Variants in SRBD1 observed in about 807,000 individuals in gnomAD.
The protein encoded by SRBD1 is S1 RNA binding domain 1, also known as S1 RNA-binding domain-containing protein 1.
In SRBD1, 88 loss-of-function variants were observed where a neutral mutation model predicts 115.3. The ratio of observed to expected loss-of-function variants is 0.76; its 90% CI spans 0.64 to 0.91. The LOEUF is 0.91. SRBD1 is among the 40% of genes least tolerant of loss of function. The pLI, the probability that SRBD1 is intolerant of heterozygous loss-of-function variation, is 0.00. For missense variants in SRBD1, 1,385 were observed against 1,177.4 expected, an observed-to-expected ratio of 1.18 and a Z score of -2.58; for synonymous variants, 509 against 407.7, an observed-to-expected ratio of 1.25 and a Z score of -2.99.
At chr2:45,542,826 A>G (rs1451838813) in intron 14 of SRBD1, among the ~76,000 whole-genome samples, 1 of 152,196 alleles carries the variant, frequency 6.6e-6, no homozygotes, top group Non-Finnish European at 1.5e-5. Context: ...GATTGAATAA[A>G]CTAATTGTGA....
At chr2:45,390,776 C>T (rs978070867) in intron 20 of SRBD1, among the ~76,000 whole-genome samples, 5 of 152,072 alleles carry the variant, frequency 3.3e-5, no homozygotes, top group African/African-American at 1.2e-4. Flanking sequence ...CATACTGATA[C>T]CAAGACGTTT....
intron 14 of SRBD1, among the ~76,000 whole-genome samples, chr2:45,502,086 C>T (rs1268062210): frequency 6.6e-6 from 1 of 152,200 alleles, no homozygotes; most frequent in African/African-American, 2.4e-5. Flanking sequence ...CCCTCCAAGA[C>T]GAAGCTTCCA....
intron 20 of SRBD1, among the ~76,000 whole-genome samples, chr2:45,390,997 C>T (rs1045966071): frequency 4.6e-5 from 7 of 152,234 alleles, no homozygotes; most frequent in African/African-American, 1.7e-4. Context: ...GGAACTAAGT[C>T]ACTGATCAGG....
chr2:45,442,956 C>T (rs559634707), intron 16 of SRBD1, among the ~76,000 whole-genome samples: 6 of 152,154 alleles, frequency 3.9e-5, no homozygotes, highest in East Asian at 3.9e-4. Context: ...AATGGCCACA[C>T]GTAGTAACAA....
At chr2:45,606,262 C>T (rs1378092137) in intron 1 of SRBD1, among the ~76,000 whole-genome samples, 1 of 150,628 alleles carries the variant, frequency 6.6e-6, no homozygotes, top group Non-Finnish European at 1.5e-5. Context: ...TGGGTTCAAG[C>T]GATTCTCCTG....
chr2:45,488,405 C>A (rs1373378833), intron 14 of SRBD1, 74 bp from the exon 15 acceptor site: 5 of 1,278,022 alleles, frequency 3.9e-6, no homozygotes. Context: ...TGAATGAAAC[C>A]AGGCATTACC....
At position 45,580,193 on chromosome 2, in the gene SRBD1, G is replaced by C. The variant is rs189560504; in HGVS notation, c.934-180C>G. Among the ~76,000 whole-genome samples, 177 of 152,264 alleles carry C rather than the reference G, an allele frequency of 1.2e-3. No individual in the cohort carries two copies. In the Middle Eastern group the frequency reaches 0.027, roughly 23 times the overall value. On this transcript the variant is annotated intron_variant, in intron 6 of 20. Coordinates refer to ENST00000263736, the MANE Select transcript of SRBD1 (RefSeq NM_018079.5). Reference sequence around the variant, plus strand: ...ATGCTTTACTGTATGAAGATGGTATGTGCTTTATCTTATTCTTTATATTTT... The same window carrying C: ...ATGCTTTACTGTATGAAGATGGTATCTGCTTTATCTTATTCTTTATATTTT...
chr2:45,413,097 A>G lies in SRBD1; in HGVS notation c.2513+17T>C, dbSNP rs1342061815. The G allele has an allele frequency of 3.1e-6, 5 of 1,603,916 alleles. No individual in the cohort carries two copies. In the African/African-American group the frequency reaches 6.7e-5, roughly 22 times the overall value. The stretch of plus-strand genomic sequence containing the variant: ...CACTCTGCATATGGAGAATTCCCAC[A>G]TGGGCCTCAGACTTACCTCATTGCT... On this transcript the variant is annotated intron_variant, in intron 19 of 20. Coordinates refer to ENST00000263736, the MANE Select transcript of SRBD1 (RefSeq NM_018079.5).
At chr2:45,498,165 A>T (rs1415128143) in intron 14 of SRBD1, among the ~76,000 whole-genome samples, 1 of 152,206 alleles carries the variant, frequency 6.6e-6, no homozygotes, top group East Asian at 1.9e-4. Flanking sequence ...TTAATGATGT[A>T]AACCATTTAC....
chr2:45,447,202 G>C (rs750203340), intron 16 of SRBD1: 1 of 152,298 alleles, frequency 6.6e-6, no homozygotes, highest in Non-Finnish European at 1.5e-5. Context: ...TGTAATCCCA[G>C]CACTTTGGGA....
intron 14 of SRBD1, among the ~76,000 whole-genome samples, chr2:45,534,062 C>T (rs957058624): frequency 6.6e-6 from 1 of 151,922 alleles, no homozygotes; most frequent in Non-Finnish European, 1.5e-5. Flanking sequence ...ATTGGACTTA[C>T]GAACACAAAA....
intron 16 of SRBD1, among the ~76,000 whole-genome samples, chr2:45,462,334 A>G (rs1669341703): frequency 6.6e-6 from 1 of 152,180 alleles, no homozygotes; most frequent in Non-Finnish European, 1.5e-5. Flanking sequence ...CACCTCTGAG[A>G]CTTAAAAACA....
At chr2:45,395,353 T>C (rs1667114406) in intron 19 of SRBD1, among the ~76,000 whole-genome samples, 1 of 152,192 alleles carries the variant, frequency 6.6e-6, no homozygotes, top group Non-Finnish European at 1.5e-5. Flanking sequence ...TAAGGTTGCT[T>C]GCACATGTGT....
At chr2:45,419,667 A>G (rs191804795) in intron 17 of SRBD1, 121 bp downstream of exon 17, 6 of 750,782 alleles carry the variant, frequency 8.0e-6, no homozygotes, top group Non-Finnish European at 1.4e-5. Flanking sequence ...GCAATGTATA[A>G]ACCCATAGAC....
chr2:45,447,953 ATTGT>A (rs759200817), intron 16 of SRBD1: 30 of 152,316 alleles, frequency 2.0e-4, no homozygotes, highest in Admixed American at 3.3e-4. Flanking sequence ...AACATGGCTT[ATTGT>A]TTAATAAGAG....
chr2:45,505,076 T>A (rs1670757274), intron 14 of SRBD1, among the ~76,000 whole-genome samples: 1 of 152,120 alleles, frequency 6.6e-6, no homozygotes, highest in African/African-American at 2.4e-5. Flanking sequence ...ACACAAAACC[T>A]GTGGTGCACT....
At chr2:45,499,964 C>A (rs572974344) in intron 14 of SRBD1, among the ~76,000 whole-genome samples, 2 of 152,218 alleles carry the variant, frequency 1.3e-5, no homozygotes, top group East Asian at 3.9e-4. Context: ...CTAAGGATTG[C>A]ATTAGCTATT....
chr2:45,423,630 C>T (rs1004133202), intron 16 of SRBD1, among the ~76,000 whole-genome samples: 10 of 152,022 alleles, frequency 6.6e-5, no homozygotes, highest in African/African-American at 2.2e-4. Flanking sequence ...ATTTGAAGAA[C>T]ACCAATCCTT....
At position 45,581,733 on chromosome 2, in the gene SRBD1, G is replaced by C. The variant is rs767214481; in HGVS notation, c.893C>G (p.Ala298Gly). The change falls in exon 6 of 21, where the codon GCC becomes GGC. Residue 298 changes from alanine (A) to glycine (G), a missense_variant. Transcript: ENST00000263736. ...TTCAAAAGTTTTACAATTCAGCATG[G>C]CTTTTAACAAGCACTCAGACATCTT... ...EGKMSECLLK[A>G]MLNCKTFEEL... 6.2e-6 allele frequency: 10 copies of C among 1,613,238 alleles called. No homozygotes were observed. Among genetic ancestry groups the C allele is most frequent in the Admixed American group, 3.3e-5 (2 of 59,940 alleles).
Sources: allele counts gnomAD v4.1 joint callset (sites outside exome capture counted in the v4.1 genomes callset), GRCh38; gene constraint gnomAD v4.1.1; transcripts MANE v1.5; gene names NCBI Gene and HGNC (gene_info 2026-07-23, HGNC 2026-07-21).